The following TOX2 variants were observed in gnomAD, a reference collection of about 807,000 sequenced individuals.
TOX2 encodes granulosa cell HMG box 1.
In TOX2, 15 loss-of-function variants were observed where a neutral mutation model predicts 47.4. The observed-to-expected ratio is 0.32, with a 90% confidence interval of 0.21 to 0.49. The LOEUF (loss-of-function observed/expected upper bound fraction) is 0.49, where lower values mean the gene tolerates loss of function less well. Among genes scored for constraint, TOX2 ranks in the 20% least tolerant of loss-of-function variants. The pLI is 0.99. For synonymous variants in TOX2, 290 were observed against 296.6 expected (o/e 0.98, Z 0.23); for missense variants, 622 against 673.1 (o/e 0.92, Z 0.84).
intron 1 of TOX2, among the ~76,000 whole-genome samples, chr20:43,963,510 G>A (rs959975638): frequency 6.6e-6 from 1 of 152,208 alleles, no homozygotes; most frequent in Non-Finnish European, 1.5e-5. Flanking sequence ...AAGCCAGGAT[G>A]TACTCTTAGG....
intron 1 of TOX2, among the ~76,000 whole-genome samples, chr20:43,950,069 G>A (rs1466435305): frequency 1.3e-5 from 2 of 152,076 alleles, no homozygotes; most frequent in African/African-American, 4.8e-5. Context: ...GAGATGACAT[G>A]TATAACAAAC....
At chr20:43,939,320 G>T (rs2069371402) in intron 1 of TOX2, among the ~76,000 whole-genome samples, 1 of 152,188 alleles carries the variant, frequency 6.6e-6, no homozygotes, top group Admixed American at 6.5e-5. Context: ...TTGTGGTAAG[G>T]TTTGCATAGG....
chr20:44,028,279 AG>A (rs749366413), intron 3 of TOX2, among the ~76,000 whole-genome samples: 8 of 139,718 alleles, frequency 5.7e-5, no homozygotes, highest in East Asian at 4.1e-4. Context: ...CCATTCCCAG[AG>A]GGGGTGCTGT....
At chr20:43,935,396 A>C (rs571437291) in intron 1 of TOX2, among the ~76,000 whole-genome samples, 7 of 152,300 alleles carry the variant, frequency 4.6e-5, no homozygotes, top group Non-Finnish European at 1.0e-4. Context: ...CTAAGCTGCT[A>C]TGTGGGGATA....
intron 2 of TOX2, among the ~76,000 whole-genome samples, chr20:44,002,762 ATGAG>A (rs1267950513): frequency 6.6e-6 from 1 of 152,114 alleles, no homozygotes; most frequent in African/African-American, 2.4e-5. Flanking sequence ...CGGCAGGAGA[ATGAG>A]AGAGAGAGAG....
rs141672174 is a variant in TOX2 at position 43,916,543 on chromosome 20, G to A, written c.99+1553G>A. Among the ~76,000 whole-genome samples the A allele has an allele frequency of 5.8e-3, 878 of 152,346 alleles. 8 individuals carry two copies. The highest frequency in any genetic ancestry group is 0.02 in the African/African-American group (849 of 41,586). On this transcript the variant is annotated intron_variant, in intron 1 of 8. Transcript: ENST00000341197. This position sits in a 1 kb window ranked among gnomAD's most constrained non-coding sequence, Gnocchi z 5.0. Reference sequence around the variant, plus strand: ...GACCTGCAAAGTTAGAAGCCGATGAGGGGGGATGGTAGCCTCAGGAGAAGG... The same window carrying A: ...GACCTGCAAAGTTAGAAGCCGATGAAGGGGGATGGTAGCCTCAGGAGAAGG...
intron 1 of TOX2, among the ~76,000 whole-genome samples, chr20:43,967,188 G>T (rs2069871091): frequency 6.6e-6 from 1 of 152,136 alleles, no homozygotes; most frequent in Non-Finnish European, 1.5e-5. Flanking sequence ...TAAGACAGGG[G>T]AGTGCTGGAG....
chr20:44,000,039 G>A (rs538572924), intron 2 of TOX2, among the ~76,000 whole-genome samples: 1 of 152,208 alleles, frequency 6.6e-6, no homozygotes, highest in Non-Finnish European at 1.5e-5. Flanking sequence ...AGACTCTGGG[G>A]CAGAAACGTG....
chr20:43,996,433 C>T (rs1221186005), intron 2 of TOX2, among the ~76,000 whole-genome samples: 2 of 152,218 alleles, frequency 1.3e-5, no homozygotes, highest in African/African-American at 4.8e-5. Context: ...CTGCCCTGGC[C>T]TAGCCAGGAC....
At chr20:43,933,463 G>T (rs1334859792) in intron 1 of TOX2, among the ~76,000 whole-genome samples, 1 of 152,160 alleles carries the variant, frequency 6.6e-6, no homozygotes, top group Non-Finnish European at 1.5e-5. Context: ...CGGGTCCAGA[G>T]ATCTGGCATT....
At chr20:43,981,805 G>C (rs1266678337) in intron 2 of TOX2, among the ~76,000 whole-genome samples, 1 of 152,142 alleles carries the variant, frequency 6.6e-6, no homozygotes, top group Non-Finnish European at 1.5e-5. Context: ...TGGTCCCATG[G>C]GCAGATTGAG....
chr20:44,023,120 G>A (rs1052973133), intron 3 of TOX2, among the ~76,000 whole-genome samples: 1 of 151,460 alleles, frequency 6.6e-6, no homozygotes, highest in Non-Finnish European at 1.5e-5. Context: ...GGAAGGAAGT[G>A]AGGTAGGAGG....
chr20:44,066,114 A>G lies in TOX2; in HGVS notation c.1356+7A>G, dbSNP rs1600807550. ...CTCACCTCCAGGGCCACAGGTAAGC[A>G]GGGAAGAGCAGAACAGCCCTTCTGT... On this transcript the variant is annotated splice_region_variant and intron_variant, in intron 7 of 8. Transcript: ENST00000341197. 2 of 1,531,840 alleles carry G rather than the reference A, an allele frequency of 1.3e-6. No homozygotes were observed. The highest frequency in any genetic ancestry group is 2.5e-5 in the South Asian group (2 of 79,470). The allele number at this position is 1,531,840 out of a possible 1,614,324, so 94.9% of individuals were successfully genotyped here. A position where few individuals can be genotyped will look rare whatever the true frequency, so the allele number is the denominator to read the frequency against.
At chr20:44,066,160 C>G (rs539870890) in intron 7 of TOX2, 53 bp downstream of exon 7, 6 of 1,468,668 alleles carry the variant, frequency 4.1e-6, no homozygotes, top group African/African-American at 1.4e-5. Flanking sequence ...GGAGGGGAAG[C>G]GGCTTTGCCC....
chr20:43,955,368 C>A, intron 1 of TOX2: 1 of 940,620 alleles, frequency 1.1e-6, no homozygotes, highest in Non-Finnish European at 1.3e-6. Context: ...TTCCCCTTGG[C>A]TGGCTTCTGG....
chr20:43,914,993 AGGCGGGGGCG>A lies in TOX2; in HGVS notation c.99+12_99+21del. 10 of 1,232,120 alleles carry A rather than the reference AGGCGGGGGCG, an allele frequency of 8.1e-6. No homozygotes were observed. Among genetic ancestry groups the A allele is most frequent in the Non-Finnish European group, 1.0e-5 (10 of 986,446 alleles). The allele number at this position is 1,232,120 out of a possible 1,614,324, so 76.3% of individuals were successfully genotyped here. ...TGGACTATTACCACGGCGGCAAGGT[AGGCGGGGGCG>A]GGCGGGGGTCCCCGGCGGGCGGGGC... is the stretch of plus-strand genomic sequence containing the variant. On this transcript the variant is annotated splice_donor_5th_base_variant and intron_variant, in intron 1 of 8. Coordinates refer to ENST00000341197, the MANE Select transcript of TOX2 (RefSeq NM_001098797.2). This position sits in a 1 kb window ranked among gnomAD's most constrained non-coding sequence, Gnocchi z 4.5.
At chr20:43,959,915 G>A (rs765742277) in intron 1 of TOX2, among the ~76,000 whole-genome samples, 3 of 152,218 alleles carry the variant, frequency 2.0e-5, no homozygotes, top group Non-Finnish European at 4.4e-5. Flanking sequence ...AGGTAACGGG[G>A]CAAGACCTGG....
rs533347642 is a variant in TOX2, at chr20:43,934,453, T to C, written c.99+19463T>C. ...TGAGGGCACTGGGCCGGGGTCACAGTGGGATTGGAACCCAAGCCTGCTTGC... is the reference window on the plus strand; with the variant it reads ...TGAGGGCACTGGGCCGGGGTCACAGCGGGATTGGAACCCAAGCCTGCTTGC... On this transcript the variant is annotated intron_variant, in intron 1 of 8. Coordinates refer to ENST00000341197, the MANE Select transcript of TOX2 (RefSeq NM_001098797.2). Among the ~76,000 whole-genome samples the C allele has an allele frequency of 3.9e-5, 6 of 152,192 alleles. No individual in the cohort carries two copies. In the South Asian group the frequency reaches 1.2e-3, roughly 32 times the overall value.
chr20:44,061,688 A>C (rs1372248494), intron 5 of TOX2, among the ~76,000 whole-genome samples: 2 of 152,102 alleles, frequency 1.3e-5, no homozygotes, highest in African/African-American at 4.8e-5. Flanking sequence ...CTGTTTGCTG[A>C]TGATATGATT....
Sources: allele counts gnomAD v4.1 joint callset (sites outside exome capture counted in the v4.1 genomes callset), GRCh38; gene constraint gnomAD v4.1.1; non-coding constraint Gnocchi (gnomAD v3.1); transcripts MANE v1.5; gene names NCBI Gene and HGNC (gene_info 2026-07-23, HGNC 2026-07-21).